The following TPRN variants were observed in gnomAD, a reference collection of about 807,000 sequenced individuals.
TPRN encodes taperin.
A neutral mutation model predicts 42.6 loss-of-function variants in TPRN; 32 were observed. That is an observed-to-expected ratio of 0.75 (90% CI 0.57 to 1.01). The LOEUF (loss-of-function observed/expected upper bound fraction) is 1.01, where lower values mean the gene tolerates loss of function less well. Among genes scored for constraint, TPRN ranks in the 50% least tolerant of loss-of-function variants. TPRN has a pLI of 0.00. For synonymous variants in TPRN, 541 were observed against 445.6 expected, an observed-to-expected ratio of 1.21 and a Z score of -2.70; for missense variants, 1,095 against 957.5, an observed-to-expected ratio of 1.14 and a Z score of -1.90.
In TPRN at chr9:137,200,059, G is replaced by C; in HGVS notation, c.653C>G (p.Ala218Gly). 1 of 1,433,314 alleles carries C rather than the reference G, an allele frequency of 7.0e-7. No individual in the cohort carries two copies. The highest frequency in any genetic ancestry group is 1.5e-5 in the South Asian group (1 of 67,222). The allele number at this position is 1,433,314 out of a possible 1,614,324, so 88.8% of individuals were successfully genotyped here. A position where few individuals can be genotyped will look rare whatever the true frequency, so the allele number is the denominator to read the frequency against. ...HPRGLHRGAG[A>G]RLLSNGHSAP... ...CGAGTGCCCGTTGGAGAGCAGGCGG[G>C]CGCCCGCGCCGCGGTGCAGACCCCG... Residue 218 changes from alanine (A) to glycine (G), a missense_variant, in exon 1 of 4, where the codon GCC becomes GGC. Transcript: ENST00000409012. The surrounding 1 kb of genome is among the most constrained non-coding windows in gnomAD (Gnocchi z 4.3).
At chr9:137,196,139 G>T (rs763839775) in intron 1 of TPRN, among the ~76,000 whole-genome samples, 8 of 152,170 alleles carry the variant, frequency 5.3e-5, no homozygotes, top group Non-Finnish European at 1.2e-4. Flanking sequence ...CCACTGAAGA[G>T]CTGCCCTTCA....
Position 137,200,458 on chromosome 9 carries a change from C to A in TPRN, c.254G>T (p.Arg85Leu). The part of the protein sequence containing the change: ...AGARLLERYR[R>L]VPGVRALRAD... ...GCGGAGGGCGCGCACGCCAGGCACG[C>A]GGCGGTACCGCTCCAGCAGCCGCGC... Residue 85 changes from arginine to leucine, a missense_variant, in exon 1 of 4, where the codon CGC (arginine) becomes CTC (leucine). By Grantham distance (102) the Arg-to-Leu change is moderately radical (BLOSUM62 -2). Coordinates refer to ENST00000409012, the MANE Select transcript of TPRN (RefSeq NM_001128228.3). The surrounding 1 kb of genome is among the most constrained non-coding windows in gnomAD (Gnocchi z 4.3). The A allele has an allele frequency of 8.9e-7, 1 of 1,121,422 alleles. No homozygotes were observed. Among genetic ancestry groups the A allele is most frequent in the Admixed American group, 4.7e-5 (1 of 21,092 alleles). The allele number at this position is 1,121,422 out of a possible 1,614,324, so 69.5% of individuals were successfully genotyped here. A position where few individuals can be genotyped will look rare whatever the true frequency, so the allele number is the denominator to read the frequency against.
intron 1 of TPRN, chr9:137,194,592 G>A (rs984227451): frequency 4.6e-5 from 7 of 152,376 alleles, no homozygotes; most frequent in African/African-American, 1.7e-4. Flanking sequence ...TCCCAGCAGG[G>A]GGGCCGCGGG....
rs1011757302 is a variant in TPRN, at chr9:137,200,604, GC to G, written c.107del (p.Gly36AlafsTer414). On this transcript the variant is annotated frameshift_variant, in exon 1 of 4. Coordinates refer to ENST00000409012, the MANE Select transcript of TPRN (RefSeq NM_001128228.3). LOFTEE classifies it high-confidence loss of function. This position sits in a 1 kb window ranked among gnomAD's most constrained non-coding sequence, Gnocchi z 4.3. The stretch of plus-strand genomic sequence containing the variant: ...CGGGCTCCGCCGCCCCGGGCCCCGC[GC>G]CCCCGCCCAGCGCGGCTAGCTTGGC... Reference protein sequence around the residue: ...KRAKLAALGGGAGPGAAEPEQ... With the variant: ...KRAKLAALGGXAGPGAAEPEQ... 2.4e-5 allele frequency: 28 copies of G among 1,159,310 alleles called. No homozygotes were observed. The African/African-American group carries it at 3.5e-4, about 14-fold the overall frequency. The allele number at this position is 1,159,310 out of a possible 1,614,324, so 71.8% of individuals were successfully genotyped here. A position where few individuals can be genotyped will look rare whatever the true frequency, so the allele number is the denominator to read the frequency against.
In TPRN at chr9:137,192,632, G is replaced by C. The variant is rs979694079; in HGVS notation, c.1785C>G (p.Ser595Arg). The change falls in exon 2 of 4, where the codon AGC (serine) becomes AGG (arginine). Residue 595 changes from serine to arginine, a missense_variant. Ser to Arg is a moderately radical substitution (Grantham distance 110). Transcript: ENST00000409012. ...CCACCTCTTCCTCCTGCTCTAGGGA[G>C]CTCTCGGAAGGGTACTCAAATGTGG... Reference protein sequence around the residue: ...LQTTFEYPSESSLEQEEEVDQ... With the variant: ...LQTTFEYPSERSLEQEEEVDQ... 1 of 1,613,850 alleles carries C rather than the reference G, an allele frequency of 6.2e-7. No homozygotes were observed. The highest frequency in any genetic ancestry group is 8.5e-7 in the Non-Finnish European group (1 of 1,179,998).
chr9:137,192,163 G>A lies in TPRN; in HGVS notation c.2085C>T (p.Ala695=), dbSNP rs1564382997. 1 of 1,613,644 alleles carries A rather than the reference G, an allele frequency of 6.2e-7. No individual in the cohort carries two copies. Among genetic ancestry groups the A allele is most frequent in the Non-Finnish European group, 8.5e-7 (1 of 1,180,026 alleles). The change falls in exon 4 of 4, where the codon GCC becomes GCT. Residue 695 remains alanine (A), a synonymous_variant. Transcript: ENST00000409012. ...PPPVEAMLTP[A]SQNDLSDFRS... is the part of the protein sequence containing the mutation. ...GGAAGTCCGAGAGGTCATTCTGACTGGCGGGTGTGAGCTGAAAGTGAGAGG... is the reference window on the plus strand; with the variant it reads ...GGAAGTCCGAGAGGTCATTCTGACTAGCGGGTGTGAGCTGAAAGTGAGAGG...
intron 1 of TPRN, among the ~76,000 whole-genome samples, chr9:137,197,901 A>G (rs1291512709): frequency 6.6e-6 from 1 of 152,206 alleles, no homozygotes; most frequent in Admixed American, 6.5e-5. Flanking sequence ...TAGAGCCGGC[A>G]GGGGCACCAA....
At chr9:137,196,264 C>A (rs1834702585) in intron 1 of TPRN, among the ~76,000 whole-genome samples, 1 of 152,248 alleles carries the variant, frequency 6.6e-6, no homozygotes, top group Non-Finnish European at 1.5e-5. Flanking sequence ...ACTCCACCCC[C>A]ACGCCCGGGG....
At position 137,199,565 on chromosome 9, in the gene TPRN, T is replaced by C. The variant is rs1303068230; in HGVS notation, c.1147A>G (p.Lys383Glu). 6.4e-7 allele frequency: 1 copy of C among 1,558,166 alleles called. No individual in the cohort carries two copies. The highest frequency in any genetic ancestry group is 8.7e-7 in the Non-Finnish European group (1 of 1,151,544). The part of the protein sequence containing the change: ...PGGDGAPALG[K>E]SPLEVEAQWA... ...TGTGCCTCGACCTCCAGGGGGCTCT[T>C]CCCGAGGGCAGGCGCACCATCCCCT... The change falls in exon 1 of 4, where the codon AAG becomes GAG. Residue 383 changes from lysine (K) to glutamate (E), a missense_variant. By Grantham distance (56) the Lys-to-Glu change is moderately conservative (BLOSUM62 1). Coordinates refer to ENST00000409012, the MANE Select transcript of TPRN (RefSeq NM_001128228.3).
chr9:137,192,825 TC>T, intron 1 of TPRN, 134 bp from the exon 2 acceptor site: 2 of 945,952 alleles, frequency 2.1e-6, no homozygotes, highest in African/African-American at 1.6e-5. Flanking sequence ...TTCCGGGGGC[TC>T]CAGGAGGGGG....
Position 137,191,908 on chromosome 9 carries a change from G to A in TPRN, c.*204C>T, listed in dbSNP as rs1834623871. On this transcript the variant is annotated 3_prime_UTR_variant, in exon 4 of 4. Transcript: ENST00000409012. ...AGTTCCCCACCCCACTTCCCCCTTG[G>A]ACCCTCCCAAATCAGGGCCGGGGAG... 1.5e-6 allele frequency: 1 copy of A among 680,712 alleles called. No homozygotes were observed. Among genetic ancestry groups the A allele is most frequent in the Non-Finnish European group, 2.6e-6 (1 of 388,866 alleles). The allele number at this position is 680,712 out of a possible 1,614,324, so 42.2% of individuals were successfully genotyped here. A position where few individuals can be genotyped will look rare whatever the true frequency, so the allele number is the denominator to read the frequency against.
At chr9:137,193,600 C>G (rs2131349613) in intron 1 of TPRN, 1 of 152,366 alleles carries the variant, frequency 6.6e-6, no homozygotes, top group East Asian at 1.9e-4. Flanking sequence ...CTAAGCTCCC[C>G]ACAACAGCCG....
Position 137,191,952 on chromosome 9 carries a change from C to T in TPRN, c.*160G>A. On this transcript the variant is annotated 3_prime_UTR_variant, in exon 4 of 4. Transcript: ENST00000409012. ...CGGGGAGTGAGACCCAGACCTGGCC[C>T]CGATGGCAGGAGGCACCCTAGCTGC... is the stretch of plus-strand genomic sequence containing the variant. 1.1e-6 allele frequency: 1 copy of T among 888,508 alleles called. No homozygotes were observed. The highest frequency in any genetic ancestry group is 1.8e-6 in the Non-Finnish European group (1 of 563,694). 55.0% of individuals were successfully genotyped at this position (888,508 alleles called of 1,614,324 possible).
rs552757143 is a variant in TPRN, at chr9:137,192,437, A to G, written c.1966+14T>C. The stretch of plus-strand genomic sequence containing the variant: ...ACCCCTCCCAGGCTGCCTGTCCCCC[A>G]GGTGGGCACTCACCTGAGCTACCCT... On this transcript the variant is annotated intron_variant, in intron 2 of 3. Coordinates refer to ENST00000409012, the MANE Select transcript of TPRN (RefSeq NM_001128228.3). The G allele has an allele frequency of 1.2e-6, 2 of 1,608,500 alleles. No homozygotes were observed. Among genetic ancestry groups the G allele is most frequent in the South Asian group, 2.2e-5 (2 of 90,496 alleles).
chr9:137,192,442 G>T lies in TPRN; in HGVS notation c.1966+9C>A, dbSNP rs773105288. On this transcript the variant is annotated intron_variant, in intron 2 of 3. Coordinates refer to ENST00000409012, the MANE Select transcript of TPRN (RefSeq NM_001128228.3). ...TCCCAGGCTGCCTGTCCCCCAGGTGGGCACTCACCTGAGCTACCCTCTGGC... is the reference window on the plus strand; with the variant it reads ...TCCCAGGCTGCCTGTCCCCCAGGTGTGCACTCACCTGAGCTACCCTCTGGC... The T allele has an allele frequency of 6.2e-7, 1 of 1,608,110 alleles. No individual in the cohort carries two copies. Among genetic ancestry groups the T allele is most frequent in the Non-Finnish European group, 8.5e-7 (1 of 1,177,802 alleles).
In TPRN at chr9:137,192,674, G is replaced by A. The variant is rs146518581; in HGVS notation, c.1743C>T (p.Asn581=). The A allele has an allele frequency of 6.1e-5, 99 of 1,613,792 alleles. No individual in the cohort carries two copies. Among genetic ancestry groups the A allele is most frequent in the African/African-American group, 4.1e-4 (31 of 75,044 alleles). The change falls in exon 2 of 4, where the codon AAC becomes AAT. Residue 581 remains asparagine, a synonymous_variant. Coordinates refer to ENST00000409012, the MANE Select transcript of TPRN (RefSeq NM_001128228.3). The part of the protein sequence containing the change: ...SSRKKMKISF[N]DKSLQTTFEY... ...CAAATGTGGTCTGCAGGCTTTTGTC[G>A]TTGAAGGAGATCTTCATCTGGGAGT...
intron 1 of TPRN, among the ~76,000 whole-genome samples, chr9:137,195,573 C>T (rs944756385): frequency 6.6e-6 from 1 of 152,194 alleles, no homozygotes; most frequent in African/African-American, 2.4e-5. Context: ...GTCAGGGTGG[C>T]TCTTGGGTCT....
intron 1 of TPRN, among the ~76,000 whole-genome samples, chr9:137,195,704 A>C (rs1208324589): frequency 6.6e-6 from 1 of 152,048 alleles, no homozygotes; most frequent in Non-Finnish European, 1.5e-5. Context: ...CTGGGCAGAG[A>C]GCCAAGAGGG....
chr9:137,192,651 A>C lies in TPRN; in HGVS notation c.1766T>G (p.Phe589Cys). 1 of 1,613,828 alleles carries C rather than the reference A, an allele frequency of 6.2e-7. No homozygotes were observed. The highest frequency in any genetic ancestry group is 8.5e-7 in the Non-Finnish European group (1 of 1,179,970). ...TAGGGAGCTCTCGGAAGGGTACTCA[A>C]ATGTGGTCTGCAGGCTTTTGTCGTT... is the stretch of plus-strand genomic sequence containing the variant. Reference protein sequence around the residue: ...SFNDKSLQTTFEYPSESSLEQ... With the variant: ...SFNDKSLQTTCEYPSESSLEQ... Residue 589 changes from phenylalanine to cysteine, a missense_variant, in exon 2 of 4, where the codon TTT becomes TGT. Transcript: ENST00000409012.
Sources: allele counts gnomAD v4.1 joint callset (sites outside exome capture counted in the v4.1 genomes callset), GRCh38; gene constraint gnomAD v4.1.1; non-coding constraint Gnocchi (gnomAD v3.1); transcripts MANE v1.5; gene names NCBI Gene and HGNC (gene_info 2026-07-23, HGNC 2026-07-21).